The following MCC variants were observed in gnomAD, a reference collection of about 807,000 sequenced individuals.
MCC encodes the protein MCC regulator of Wnt signaling pathway, also known as colorectal mutant cancer protein.
MCC carries 90 observed loss-of-function variants against 116.2 expected under a neutral mutation model. That is an observed-to-expected ratio of 0.77 (90% CI 0.65 to 0.92). The LOEUF (loss-of-function observed/expected upper bound fraction) is 0.92, where lower values mean the gene tolerates loss of function less well. MCC is among the 40% of genes least tolerant of loss of function. The pLI is 0.00. For missense variants in MCC, 1,516 were observed against 1,312.2 expected (o/e 1.16, Z -2.40); for synonymous variants, 578 against 510.5 (o/e 1.13, Z -1.78).
intron 1 of MCC, among the ~76,000 whole-genome samples, chr5:113,475,425 A>C (rs923984792): frequency 6.6e-6 from 1 of 152,194 alleles, no homozygotes; most frequent in Non-Finnish European, 1.5e-5. Flanking sequence ...TGAAAAAGTA[A>C]TAGGTCCAAA....
chr5:113,208,315 G>A (rs138696696), intron 3 of MCC, among the ~76,000 whole-genome samples: 1 of 152,298 alleles, frequency 6.6e-6, no homozygotes, highest in East Asian at 1.9e-4. Context: ...TGAGAAGGAA[G>A]TTGGAACCTA....
In MCC at chr5:113,068,090, C is replaced by T. The variant is rs755383304; in HGVS notation, c.2019G>A (p.Gly673=). Residue 673 remains glycine (G), a synonymous_variant, in exon 13 of 19, where the codon GGG becomes GGA. Transcript: ENST00000408903. ...TCTGGAGACACTTACCAGGGGAGGA[C>T]CCCACGCCCGCCGCTCGGAACTGCC... ...ILGQFRAAGV[G]SSPGDQSGDE... The T allele has an allele frequency of 3.1e-6, 5 of 1,613,996 alleles. No individual in the cohort carries two copies. The highest frequency in any genetic ancestry group is 4.5e-5 in the East Asian group (2 of 44,880).
chr5:113,081,101 T>G (rs1446655018), intron 11 of MCC, among the ~76,000 whole-genome samples: 3 of 152,174 alleles, frequency 2.0e-5, no homozygotes, highest in African/African-American at 4.8e-5. Flanking sequence ...ATCATGAAGT[T>G]AAAGGCTAAC....
intron 1 of MCC, among the ~76,000 whole-genome samples, chr5:113,481,756 A>C (rs1772384170): frequency 6.6e-6 from 1 of 152,174 alleles, no homozygotes; most frequent in Non-Finnish European, 1.5e-5. Flanking sequence ...TAAAAAATAA[A>C]AAATAAATCT....
At chr5:113,156,313 C>T (rs970797711) in intron 3 of MCC, among the ~76,000 whole-genome samples, 3 of 152,184 alleles carry the variant, frequency 2.0e-5, no homozygotes, top group African/African-American at 4.8e-5. Flanking sequence ...TGTCTTTGCA[C>T]AATTTAATCC....
At chr5:113,146,213 G>A (rs1759506889) in intron 4 of MCC, among the ~76,000 whole-genome samples, 1 of 12,648 alleles carries the variant, frequency 7.9e-5, no homozygotes. Context: ...GTGCTACAGG[G>A]GAGGTGATTA....
At chr5:113,255,687 G>C (rs1413112849) in intron 3 of MCC, among the ~76,000 whole-genome samples, 1 of 152,080 alleles carries the variant, frequency 6.6e-6, no homozygotes, top group African/African-American at 2.4e-5. Context: ...GAATATGCTG[G>C]GTAGGTTTCC....
intron 3 of MCC, among the ~76,000 whole-genome samples, chr5:113,167,084 T>C (rs1435487928): frequency 6.6e-6 from 1 of 152,162 alleles, no homozygotes; most frequent in Non-Finnish European, 1.5e-5. Context: ...GGGAGTTTGG[T>C]CGGCAGCCTC....
At chr5:113,461,128 G>T (rs1012724317) in intron 1 of MCC, among the ~76,000 whole-genome samples, 1 of 152,102 alleles carries the variant, frequency 6.6e-6, no homozygotes, top group Admixed American at 6.5e-5. Flanking sequence ...AGGCATGGTG[G>T]TGCACACCTG....
At chr5:113,212,922 T>C (rs568719147) in intron 3 of MCC, among the ~76,000 whole-genome samples, 1 of 152,364 alleles carries the variant, frequency 6.6e-6, no homozygotes, top group African/African-American at 2.4e-5. Context: ...TTCATTCTCA[T>C]CCAGTTCTGA....
chr5:113,265,148 C>A (rs1037969935), intron 3 of MCC, among the ~76,000 whole-genome samples: 1 of 152,156 alleles, frequency 6.6e-6, no homozygotes, highest in African/African-American at 2.4e-5. Flanking sequence ...ACCATAGGAC[C>A]TGCAAAGCTT....
intron 2 of MCC, among the ~76,000 whole-genome samples, chr5:113,365,771 C>T (rs1768671627): frequency 6.6e-6 from 1 of 152,156 alleles, no homozygotes; most frequent in Non-Finnish European, 1.5e-5. Context: ...CCTCAGGAAA[C>T]TTAGAATCAT....
chr5:113,172,959 G>C (rs566954650), intron 3 of MCC, among the ~76,000 whole-genome samples: 6 of 151,956 alleles, frequency 3.9e-5, no homozygotes, highest in Admixed American at 1.3e-4. Flanking sequence ...AAATCTACTG[G>C]ACACATGAAT....
At chr5:113,169,306 A>G (rs965066447) in intron 3 of MCC, among the ~76,000 whole-genome samples, 1 of 152,184 alleles carries the variant, frequency 6.6e-6, no homozygotes, top group African/African-American at 2.4e-5. Context: ...AAGGAAAATA[A>G]TAATAAGCAA....
chr5:113,463,837 G>C (rs917948373), intron 1 of MCC, among the ~76,000 whole-genome samples: 2 of 152,186 alleles, frequency 1.3e-5, no homozygotes, highest in Non-Finnish European at 2.9e-5. Context: ...GAGAATGTCT[G>C]AGGTTAAAAG....
chr5:113,083,408 T>C (rs1051819805), intron 10 of MCC, among the ~76,000 whole-genome samples: 2 of 152,226 alleles, frequency 1.3e-5, no homozygotes, highest in African/African-American at 4.8e-5. Context: ...TCCTTCATTT[T>C]CACAATTTGG....
At chr5:113,329,393 C>G (rs1377936741) in intron 3 of MCC, among the ~76,000 whole-genome samples, 1 of 151,992 alleles carries the variant, frequency 6.6e-6, no homozygotes, top group Non-Finnish European at 1.5e-5. Flanking sequence ...TACACACACA[C>G]ACACACACAG....
chr5:113,265,967 G>A (rs764475793), intron 3 of MCC, among the ~76,000 whole-genome samples: 1 of 152,072 alleles, frequency 6.6e-6, no homozygotes, highest in Non-Finnish European at 1.5e-5. Flanking sequence ...CATAATATAG[G>A]TAGGGAAAAC....
chr5:113,488,366 C>CGCCGCCGCCGCT lies in MCC; in HGVS notation c.48_49insAGCGGCGGCGGC (p.Gly16_Gly17insSerGlyGlyGly), dbSNP rs1283088033. The CGCCGCCGCCGCT allele has an allele frequency of 2.0e-6, 3 of 1,520,376 alleles. No homozygotes were observed. The highest frequency in any genetic ancestry group is 1.8e-6 in the Non-Finnish European group (2 of 1,139,780). 94.2% of individuals were successfully genotyped at this position (1,520,376 alleles called of 1,614,324 possible). A position where few individuals can be genotyped will look rare whatever the true frequency, so the allele number is the denominator to read the frequency against. On this transcript the variant is annotated inframe_insertion, in exon 1 of 19. Coordinates refer to ENST00000408903, the MANE Select transcript of MCC (RefSeq NM_001085377.2). ...CTGCTGCCGCTGCCGCCGCCGCCGC[C>CGCCGCCGCCGCT]GCCGCTGCTGGAGCTCCCCGCAGCC...
Sources: allele counts gnomAD v4.1 joint callset (sites outside exome capture counted in the v4.1 genomes callset), GRCh38; gene constraint gnomAD v4.1.1; transcripts MANE v1.5; gene names NCBI Gene and HGNC (gene_info 2026-07-23, HGNC 2026-07-21).